The following CFAP77 variants were observed in gnomAD, a reference collection of about 807,000 sequenced individuals.
CFAP77 encodes cilia- and flagella-associated protein 77.
CFAP77 carries 25 observed loss-of-function variants against 31.1 expected under a neutral mutation model. That is an observed-to-expected ratio of 0.80 (90% CI 0.59 to 1.12). The LOEUF is 1.12. Ranked by LOEUF, CFAP77 falls within the 50% of genes most tolerant of loss-of-function variation. The pLI is 0.00. For synonymous variants in CFAP77, 151 were observed against 159.9 expected, an observed-to-expected ratio of 0.94 and a Z score of 0.42; for missense variants, 377 against 397.3, an observed-to-expected ratio of 0.95 and a Z score of 0.44.
chr9:132,470,910 G>T (rs1345204096), intron 1 of CFAP77, among the ~76,000 whole-genome samples: 1 of 152,176 alleles, frequency 6.6e-6, no homozygotes. Context: ...TCCAGGAGGT[G>T]GAGGTTGCAG....
At chr9:132,470,653 A>G (rs1851238499) in intron 1 of CFAP77, among the ~76,000 whole-genome samples, 2 of 152,252 alleles carry the variant, frequency 1.3e-5, no homozygotes, top group Admixed American at 6.5e-5. Flanking sequence ...ACACAGCAGC[A>G]GGCCCACAGT....
Position 132,455,662 on chromosome 9 carries a change from C to T in CFAP77, c.196-43033C>T, listed in dbSNP as rs1186962166. On this transcript the variant is annotated intron_variant, in intron 1 of 5. Transcript: ENST00000393216. This position sits in a 1 kb window ranked among gnomAD's most constrained non-coding sequence, Gnocchi z 4.1. ...GGGAGGATCGCTTGAGCCTGGGAGG[C>T]GGAGGTTGTAGTGAGTTGAGATCGC... is the stretch of plus-strand genomic sequence containing the variant. 3.3e-5 allele frequency among the ~76,000 whole-genome samples: 5 copies of T among 151,904 alleles called. No individual in the cohort carries two copies. The highest frequency in any genetic ancestry group is 4.2e-4 in the South Asian group (2 of 4,810).
chr9:132,534,815 A>G (rs1280421320), intron 3 of CFAP77, among the ~76,000 whole-genome samples: 1 of 152,042 alleles, frequency 6.6e-6, no homozygotes, highest in African/African-American at 2.4e-5. Context: ...TCATATAGAG[A>G]GTGCTGTATG....
Position 132,501,296 on chromosome 9 carries a change from A to G in CFAP77, c.524+1696A>G, listed in dbSNP as rs993001059. 9.2e-5 allele frequency among the ~76,000 whole-genome samples: 14 copies of G among 152,276 alleles called. No homozygotes were observed. The highest frequency in any genetic ancestry group is 3.4e-4 in the African/African-American group (14 of 41,538). On this transcript the variant is annotated intron_variant, in intron 3 of 5. Coordinates refer to ENST00000393216, the MANE Select transcript of CFAP77 (RefSeq NM_001282957.2). This position sits in a 1 kb window ranked among gnomAD's most constrained non-coding sequence, Gnocchi z 4.6. Reference sequence around the variant, plus strand: ...TCCTCACCTGCAAATGGCCAGCAGCAGTTCTATTCTGTTTTTCTCTAAACA... The same window carrying G: ...TCCTCACCTGCAAATGGCCAGCAGCGGTTCTATTCTGTTTTTCTCTAAACA...
chr9:132,481,978 G>T lies in CFAP77; in HGVS notation c.196-16717G>T, dbSNP rs532777160. 6.7e-6 allele frequency among the ~76,000 whole-genome samples: 1 copy of T among 149,994 alleles called. No individual in the cohort carries two copies. Among genetic ancestry groups the T allele is most frequent in the Non-Finnish European group, 1.5e-5 (1 of 67,408 alleles). ...TATGGTTGGGGGGGGGGGGGGCGGC[G>T]GAACACTGAACATTTTTCTTCCCTA... On this transcript the variant is annotated intron_variant, in intron 1 of 5. Coordinates refer to ENST00000393216, the MANE Select transcript of CFAP77 (RefSeq NM_001282957.2). The surrounding 1 kb of genome is among the most constrained non-coding windows in gnomAD (Gnocchi z 5.0).
chr9:132,488,421 T>C (rs1278618404), intron 1 of CFAP77, among the ~76,000 whole-genome samples: 1 of 152,204 alleles, frequency 6.6e-6, no homozygotes, highest in Non-Finnish European at 1.5e-5. Flanking sequence ...AGATATCTCG[T>C]GCAAAATCCA....
chr9:132,448,616 C>T (rs1424163535), intron 1 of CFAP77, among the ~76,000 whole-genome samples: 4 of 152,112 alleles, frequency 2.6e-5, no homozygotes, highest in Non-Finnish European at 4.4e-5. Context: ...GACAGAGTTT[C>T]GCTCTTGTTG....
chr9:132,545,184 C>A lies in CFAP77; in HGVS notation c.732+2137C>A, dbSNP rs546702545. ...ACCATGGGTCTGCCAGTCTTGAGAC[C>A]GTTGTTCTGAAATATGATTATGAAC... On this transcript the variant is annotated intron_variant, in intron 5 of 5. Transcript: ENST00000393216. This position sits in a 1 kb window ranked among gnomAD's most constrained non-coding sequence, Gnocchi z 4.6. Among the ~76,000 whole-genome samples the A allele has an allele frequency of 1.3e-4, 20 of 152,306 alleles. No homozygotes were observed. Among genetic ancestry groups the A allele is most frequent in the African/African-American group, 4.8e-4 (20 of 41,564 alleles).
intron 5 of CFAP77, among the ~76,000 whole-genome samples, chr9:132,569,233 C>T (rs1367149435): frequency 6.6e-6 from 1 of 152,052 alleles, no homozygotes; most frequent in Non-Finnish European, 1.5e-5. Flanking sequence ...AGACCCTCCC[C>T]CCATCTCTAC....
intron 1 of CFAP77, among the ~76,000 whole-genome samples, chr9:132,414,665 C>G (rs1197356581): frequency 6.6e-6 from 1 of 152,132 alleles, no homozygotes; most frequent in Non-Finnish European, 1.5e-5. Context: ...TCTCAGGGAC[C>G]TGGAACCAGA....
At chr9:132,504,641 C>T (rs777382629) in intron 3 of CFAP77, among the ~76,000 whole-genome samples, 8 of 152,214 alleles carry the variant, frequency 5.3e-5, no homozygotes, top group Non-Finnish European at 7.3e-5. Context: ...CGGGCAGCTC[C>T]GCAAATTGCA....
At chr9:132,486,087 TATA>T (rs1431353286) in intron 1 of CFAP77, among the ~76,000 whole-genome samples, 8,957 of 36,662 alleles carry the variant, frequency 0.24, 2,447 homozygotes, top group South Asian at 0.54. Flanking sequence ...TATATATATA[TATA>T]TTTTTTTTTT....
Position 132,537,684 on chromosome 9 carries a change from T to C in CFAP77, c.608T>C (p.Ile203Thr). 1 of 1,613,234 alleles carries C rather than the reference T, an allele frequency of 6.2e-7. No individual in the cohort carries two copies. The highest frequency in any genetic ancestry group is 2.2e-5 in the East Asian group (1 of 44,856). Residue 203 changes from isoleucine to threonine, a missense_variant, in exon 4 of 6, where the codon ATC becomes ACC. Physicochemically the swap from Ile to Thr is moderately conservative, Grantham distance 89. Transcript: ENST00000393216. ...VQEQKATQKA[I>T]KLEKKQKVVL... The stretch of plus-strand genomic sequence containing the variant: ...GAACAAAAGGCCACCCAGAAAGCCA[T>C]CAAACTGGAGAAGAAGCAGAAGGTA...
chr9:132,514,521 CG>C (rs1183794509), intron 3 of CFAP77, among the ~76,000 whole-genome samples: 1 of 152,178 alleles, frequency 6.6e-6, no homozygotes, highest in African/African-American at 2.4e-5. Flanking sequence ...CCTGCCCAGT[CG>C]GTTTCTGAGT....
intron 1 of CFAP77, among the ~76,000 whole-genome samples, chr9:132,420,397 A>G (rs576400280): frequency 3.3e-5 from 5 of 152,018 alleles, no homozygotes; most frequent in African/African-American, 1.2e-4. Context: ...ACATGCCTGT[A>G]ATCCCAGCAC....
chr9:132,522,430 A>G (rs1250898482), intron 3 of CFAP77, among the ~76,000 whole-genome samples: 1 of 152,198 alleles, frequency 6.6e-6, no homozygotes, highest in Non-Finnish European at 1.5e-5. Context: ...TAGTGAGGAT[A>G]AATAATTAAG....
At position 132,572,775 on chromosome 9, in the gene CFAP77, T is replaced by C. The variant is rs1358207810; in HGVS notation, c.*265T>C. On this transcript the variant is annotated 3_prime_UTR_variant, in exon 6 of 6. Coordinates refer to ENST00000393216, the MANE Select transcript of CFAP77 (RefSeq NM_001282957.2). ...TTCTCCTCCTAGGGCAGGCTCACCC[T>C]GCCTCTTCTCAAGCCCTCACCTGCC... 5 of 483,092 alleles carry C rather than the reference T, an allele frequency of 1.0e-5. No individual in the cohort carries two copies. In the East Asian group the frequency reaches 1.4e-4, roughly 14 times the overall value. The allele number at this position is 483,092 out of a possible 1,614,324, so 29.9% of individuals were successfully genotyped here. A position where few individuals can be genotyped will look rare whatever the true frequency, so the allele number is the denominator to read the frequency against.
chr9:132,441,832 T>C (rs936001594), intron 1 of CFAP77, among the ~76,000 whole-genome samples: 1 of 152,216 alleles, frequency 6.6e-6, no homozygotes, highest in Admixed American at 6.5e-5. Flanking sequence ...CTGGTGTGTC[T>C]GCAGCGTCCA....
intron 3 of CFAP77, among the ~76,000 whole-genome samples, chr9:132,526,810 G>A (rs1391762059): frequency 2.9e-5 from 2 of 69,906 alleles, no homozygotes; most frequent in African/African-American, 1.1e-4. Context: ...CCAGGAAGAA[G>A]TTGAATCTCT....
Sources: allele counts gnomAD v4.1 joint callset (sites outside exome capture counted in the v4.1 genomes callset), GRCh38; gene constraint gnomAD v4.1.1; non-coding constraint Gnocchi (gnomAD v3.1); transcripts MANE v1.5; gene names NCBI Gene and HGNC (gene_info 2026-07-23, HGNC 2026-07-21).